ETV6: variants seen among roughly 807,000 people sequenced by gnomAD.
The protein encoded by ETV6 is transcription factor ETV6.
In ETV6, 16 loss-of-function variants were observed where a neutral mutation model predicts 51.1. The observed-to-expected ratio is 0.31, with a 90% CI of 0.21 to 0.48. ETV6 has a LOEUF of 0.48. Ranked by LOEUF, ETV6 falls within the 20% of genes least tolerant of loss-of-function variation. The pLI is 0.99. For missense variants in ETV6, 458 were observed against 594.8 expected (o/e 0.77, Z 2.39); for synonymous variants, 240 against 224.1 (o/e 1.07, Z -0.64).
intron 5 of ETV6, among the ~76,000 whole-genome samples, chr12:11,881,165 C>T (rs543354362): frequency 3.4e-4 from 52 of 152,226 alleles, no homozygotes; most frequent in South Asian, 1.5e-3. Context: ...CTTGAACTCC[C>T]GGACTTTCAA....
intron 1 of ETV6, among the ~76,000 whole-genome samples, chr12:11,745,708 A>T (rs1865895346): frequency 6.6e-6 from 1 of 152,060 alleles, no homozygotes; most frequent in Non-Finnish European, 1.5e-5. Context: ...TTTCCTCCTT[A>T]CTGCTTCTAT....
chr12:11,887,161 C>A (rs1018988152), intron 7 of ETV6, among the ~76,000 whole-genome samples: 42 of 152,216 alleles, frequency 2.8e-4, no homozygotes, highest in African/African-American at 1.0e-3. Flanking sequence ...AAAAAAGAAC[C>A]CTCCATTCTC....
Position 11,886,028 on chromosome 12 carries a change from T to G in ETV6, c.1253+2T>G. The G allele has an allele frequency of 6.2e-7, 1 of 1,602,202 alleles. No individual in the cohort carries two copies. The highest frequency in any genetic ancestry group is 8.5e-7 in the Non-Finnish European group (1 of 1,169,752). ...GCCAGGACAAAGGCTTTTGTTCAGGTAGCACTTCCTTTTTCTCCTTTCCTT... is the reference window on the plus strand; with the variant it reads ...GCCAGGACAAAGGCTTTTGTTCAGGGAGCACTTCCTTTTTCTCCTTTCCTT... On this transcript the variant is annotated splice_donor_variant, in intron 7 of 7. Coordinates refer to ENST00000396373, the MANE Select transcript of ETV6 (RefSeq NM_001987.5). LOFTEE classifies it high-confidence loss of function.
chr12:11,689,437 TATTTC>T (rs1864703714), intron 1 of ETV6, among the ~76,000 whole-genome samples: 1 of 152,162 alleles, frequency 6.6e-6, no homozygotes, highest in Admixed American at 6.5e-5. Flanking sequence ...TATTTTATTT[TATTTC>T]ATTTTATTTC....
chr12:11,783,852 G>T (rs1438478114), intron 2 of ETV6, among the ~76,000 whole-genome samples: 8 of 151,248 alleles, frequency 5.3e-5, no homozygotes, highest in East Asian at 1.9e-4. Flanking sequence ...TTGTTTTTTT[G>T]TTTGTTTGTT....
chr12:11,795,914 G>T (rs544430326), intron 2 of ETV6, among the ~76,000 whole-genome samples: 1 of 152,280 alleles, frequency 6.6e-6, no homozygotes, highest in Non-Finnish European at 1.5e-5. Context: ...CACACAGCAA[G>T]GACTCAGTAA....
intron 2 of ETV6, among the ~76,000 whole-genome samples, chr12:11,791,756 A>ATATTGT (rs1555131368): frequency 0.022 from 3,316 of 151,712 alleles, 137 homozygotes; most frequent in African/African-American, 0.076. Context: ...GTGTTCATTG[A>ATATTGT]TATTGTTATA....
chr12:11,767,610 T>C (rs1945181931), intron 2 of ETV6, among the ~76,000 whole-genome samples: 1 of 152,246 alleles, frequency 6.6e-6, no homozygotes, highest in Non-Finnish European at 1.5e-5. Context: ...TGTTTAACCT[T>C]GATGAGCCTC....
rs567059899 is a variant in ETV6 at position 11,669,987 on chromosome 12, G to C, written c.33+19827G>C. Among the ~76,000 whole-genome samples, 3 of 150,770 alleles carry C rather than the reference G, an allele frequency of 2.0e-5. No homozygotes were observed. In the East Asian group the frequency reaches 5.8e-4, roughly 29 times the overall value. Reference sequence around the variant, plus strand: ...CTTCTTGCCCTTCTCTCTGCTTTTCGATGATTCTACCCCAATCACATTCCT... The same window carrying C: ...CTTCTTGCCCTTCTCTCTGCTTTTCCATGATTCTACCCCAATCACATTCCT... On this transcript the variant is annotated intron_variant, in intron 1 of 7. Coordinates refer to ENST00000396373, the MANE Select transcript of ETV6 (RefSeq NM_001987.5).
At chr12:11,724,700 T>C (rs1865455348) in intron 1 of ETV6, among the ~76,000 whole-genome samples, 1 of 152,144 alleles carries the variant, frequency 6.6e-6, no homozygotes, top group Non-Finnish European at 1.5e-5. Context: ...CTTAGAGAAC[T>C]AGGAATAAAG....
intron 3 of ETV6, among the ~76,000 whole-genome samples, chr12:11,843,260 G>A (rs943960495): frequency 5.9e-5 from 9 of 152,166 alleles, no homozygotes; most frequent in Non-Finnish European, 1.2e-4. Context: ...AGAGGGGGAA[G>A]GCCACAGGCA....
intron 2 of ETV6, among the ~76,000 whole-genome samples, chr12:11,757,506 C>T (rs1371856131): frequency 6.6e-6 from 1 of 152,054 alleles, no homozygotes; most frequent in African/African-American, 2.4e-5. Context: ...AAGATGCGCT[C>T]ATACTTATTG....
At chr12:11,754,684 A>G (rs1188207019) in intron 2 of ETV6, among the ~76,000 whole-genome samples, 1 of 152,184 alleles carries the variant, frequency 6.6e-6, no homozygotes, top group African/African-American at 2.4e-5. Flanking sequence ...CCTTGCTTTG[A>G]ATTGTTTCTT....
chr12:11,764,332 A>G (rs1268713360), intron 2 of ETV6, among the ~76,000 whole-genome samples: 1 of 152,218 alleles, frequency 6.6e-6, no homozygotes, highest in African/African-American at 2.4e-5. Flanking sequence ...TGATTTAGAC[A>G]AAACATTGTG....
chr12:11,869,945 G>A lies in ETV6; in HGVS notation c.985G>A (p.Ala329Thr), dbSNP rs184240587. ...MVSVSPPEEH[A>T]MPIGRIADCR... ...CTCTGTCTCCCCGCCTGAAGAGCAC[G>A]CCATGCCCATTGGGAGAATAGCAGG... is the stretch of plus-strand genomic sequence containing the variant. The change falls in exon 5 of 8, where the codon GCC (alanine) becomes ACC (threonine). Residue 329 changes from alanine to threonine, a missense_variant. Ala to Thr is a moderately conservative substitution (Grantham distance 58). Transcript: ENST00000396373. This position sits in a 1 kb window ranked among gnomAD's most constrained non-coding sequence, Gnocchi z 5.0. 249 of 1,607,476 alleles carry A rather than the reference G, an allele frequency of 1.5e-4. No homozygotes were observed. Among genetic ancestry groups the A allele is most frequent in the Admixed American group, 2.7e-4 (16 of 59,978 alleles).
chr12:11,727,721 A>G (rs1011445423), intron 1 of ETV6, among the ~76,000 whole-genome samples: 1 of 152,250 alleles, frequency 6.6e-6, no homozygotes, highest in African/African-American at 2.4e-5. Flanking sequence ...GAAGAGGCCT[A>G]AGGGCCTGGT....
chr12:11,860,838 T>G (rs1946705825), intron 4 of ETV6, among the ~76,000 whole-genome samples: 1 of 152,216 alleles, frequency 6.6e-6, no homozygotes, highest in African/African-American at 2.4e-5. Context: ...TTAACCATTC[T>G]CAATATCGCA....
intron 5 of ETV6, among the ~76,000 whole-genome samples, chr12:11,877,276 A>C (rs1353006418): frequency 6.6e-6 from 1 of 151,502 alleles, no homozygotes; most frequent in Non-Finnish European, 1.5e-5. Context: ...TGCTGCTGTG[A>C]ATTTGTTTCA....
At chr12:11,666,869 C>T (rs1002212600) in intron 1 of ETV6, among the ~76,000 whole-genome samples, 4 of 152,208 alleles carry the variant, frequency 2.6e-5, no homozygotes, top group African/African-American at 9.6e-5. Context: ...TTCATCTTGG[C>T]TGCCGGTGGG....
Sources: allele counts gnomAD v4.1 joint callset (sites outside exome capture counted in the v4.1 genomes callset), GRCh38; gene constraint gnomAD v4.1.1; non-coding constraint Gnocchi (gnomAD v3.1); transcripts MANE v1.5; gene names NCBI Gene and HGNC (gene_info 2026-07-23, HGNC 2026-07-21).